Variants in PVT1 observed in about 807,000 individuals in gnomAD.
PVT1 encodes Pvt1 oncogene.
intron 2 of PVT1, among the ~76,000 whole-genome samples, chr8:127,801,143 C>T (rs1814461233): frequency 6.6e-6 from 1 of 152,220 alleles, no homozygotes; most frequent in African/African-American, 2.4e-5. Flanking sequence ...AGAACCCGAG[C>T]AGCATGCAGT....
intron 4 of PVT1, among the ~76,000 whole-genome samples, chr8:128,007,019 G>A (rs1052790272): frequency 6.6e-6 from 1 of 152,316 alleles, no homozygotes; most frequent in South Asian, 2.1e-4. Context: ...TAACAAGGAG[G>A]AAATATCAGG....
In PVT1 at chr8:127,812,232, CAGGA is replaced by C. The variant is rs1222087216; in HGVS notation, n.372+16173_372+16176del. ...GAGGAAAGGCAGGAAGGCAGGAAGG[CAGGA>C]AGGAAGGAAGGCAGGAAGGCAGGAA... On this transcript the variant is annotated intron_variant and non_coding_transcript_variant, in intron 2 of 10. Coordinates refer to ENST00000651587, the Ensembl canonical transcript of PVT1. 6.9e-3 allele frequency among the ~76,000 whole-genome samples: 899 copies of C among 130,016 alleles called. 1 individual carries two copies. The highest frequency in any genetic ancestry group is 0.026 in the Middle Eastern group (6 of 230). The allele number at this position is 130,016 out of a possible 152,430, so 85.3% of individuals were successfully genotyped here. A position where few individuals can be genotyped will look rare whatever the true frequency, so the allele number is the denominator to read the frequency against.
chr8:127,824,720 G>C (rs921098687), intron 2 of PVT1, among the ~76,000 whole-genome samples: 4 of 152,102 alleles, frequency 2.6e-5, no homozygotes, highest in Admixed American at 2.6e-4. Context: ...GTGTTGTAAA[G>C]AGCAAGCTTT....
chr8:127,934,044 A>C (rs1816243372), intron 3 of PVT1, among the ~76,000 whole-genome samples: 2 of 152,176 alleles, frequency 1.3e-5, no homozygotes, highest in African/African-American at 4.8e-5. Context: ...GGAGCCATCA[A>C]CTCAGCTATA....
At chr8:128,100,763 G>C (rs967448986) in intron 6 of PVT1, among the ~76,000 whole-genome samples, 3 of 152,124 alleles carry the variant, frequency 2.0e-5, no homozygotes, top group Non-Finnish European at 4.4e-5. Context: ...AACTTTGGAA[G>C]ACATTTAGGC....
chr8:127,857,029 C>T (rs1815168920), intron 2 of PVT1, among the ~76,000 whole-genome samples: 1 of 151,770 alleles, frequency 6.6e-6, no homozygotes, highest in South Asian at 2.1e-4. Context: ...AGTTCGAGAC[C>T]AGCCTGGCCA....
At chr8:128,074,536 A>G (rs2648887) in intron 5 of PVT1, among the ~76,000 whole-genome samples, 39,161 of 141,596 alleles carry the variant, frequency 0.28, 5,544 homozygotes, top group East Asian at 0.48. Flanking sequence ...AAAAAAAAAA[A>G]GGGGGGGGCT....
intron 5 of PVT1, chr8:128,082,758 G>A (rs953139462): frequency 6.6e-6 from 1 of 152,184 alleles, no homozygotes; most frequent in Admixed American, 6.5e-5. Context: ...CCTAGATCTT[G>A]GACATGATAC....
chr8:127,897,202 AAAG>A (rs1815690200), intron 3 of PVT1, among the ~76,000 whole-genome samples: 1 of 152,200 alleles, frequency 6.6e-6, no homozygotes, highest in Non-Finnish European at 1.5e-5. Context: ...TAGGCACTGC[AAAG>A]AAGAACTCTC....
intron 4 of PVT1, among the ~76,000 whole-genome samples, chr8:128,057,277 A>G (rs1813772851): frequency 6.6e-6 from 1 of 152,198 alleles, no homozygotes; most frequent in Non-Finnish European, 1.5e-5. Context: ...TACCATGTAG[A>G]AAAGGTATTA....
chr8:128,047,772 A>C (rs1041248577), intron 4 of PVT1, among the ~76,000 whole-genome samples: 3 of 152,224 alleles, frequency 2.0e-5, no homozygotes, highest in African/African-American at 7.2e-5. Context: ...TAGTAAAAAA[A>C]AATCAGTATG....
intron 3 of PVT1, chr8:127,932,686 A>C: frequency 2.5e-6 from 1 of 394,490 alleles, no homozygotes; most frequent in Non-Finnish European, 4.5e-6. Flanking sequence ...ATAAAAAATA[A>C]AAAATAAAAA....
At position 127,921,854 on chromosome 8, in the gene PVT1, G is replaced by GTTTTTTTTTTTTTTTTTTTT. The variant is rs71300279; in HGVS notation, n.782+30861_782+30880dup. On this transcript the variant is annotated intron_variant and non_coding_transcript_variant, in intron 3 of 10. Coordinates refer to ENST00000651587, the Ensembl canonical transcript of PVT1. The stretch of plus-strand genomic sequence containing the variant: ...AAAAAAATTATAATTTTTGGTTCAT[G>GTTTTTTTTTTTTTTTTTTTT]TTTTTTTTTTTTTTTTTTTTTTTTG... 3.6e-4 allele frequency among the ~76,000 whole-genome samples: 26 copies of GTTTTTTTTTTTTTTTTTTTT among 71,924 alleles called. 2 individuals carry two copies. The highest frequency in any genetic ancestry group is 2.2e-3 in the South Asian group (3 of 1,376). 47.2% of individuals were successfully genotyped at this position (71,924 alleles called of 152,430 possible).
At chr8:127,965,058 C>T (rs558540844) in intron 3 of PVT1, among the ~76,000 whole-genome samples, 1 of 152,262 alleles carries the variant, frequency 6.6e-6, no homozygotes, top group Non-Finnish European at 1.5e-5. Context: ...TGGGTGAAGA[C>T]AGCATTCAAC....
chr8:128,060,736 C>T (rs373608009), intron 4 of PVT1, among the ~76,000 whole-genome samples: 11 of 152,184 alleles, frequency 7.2e-5, no homozygotes, highest in South Asian at 2.1e-4. Context: ...ATTGTCTTTA[C>T]TCTTTTTGAT....
At chr8:127,955,681 C>T (rs573860373) in intron 3 of PVT1, among the ~76,000 whole-genome samples, 1 of 151,408 alleles carries the variant, frequency 6.6e-6, no homozygotes, top group African/African-American at 2.4e-5. Context: ...CTCCCAAGTT[C>T]GAGTGATTCT....
intron 5 of PVT1, among the ~76,000 whole-genome samples, chr8:128,093,640 A>G (rs2542408): frequency 1.3e-4 from 19 of 151,444 alleles, no homozygotes; most frequent in African/African-American, 4.6e-4. Context: ...GGCTCTGCAC[A>G]TTTTTTTCTT....
At chr8:127,970,524 C>A (rs1020427364) in intron 3 of PVT1, among the ~76,000 whole-genome samples, 5 of 152,090 alleles carry the variant, frequency 3.3e-5, no homozygotes, top group Admixed American at 2.0e-4. Flanking sequence ...TGGTCTTGAT[C>A]TTCTGGCCTC....
intron 2 of PVT1, among the ~76,000 whole-genome samples, chr8:127,824,004 G>A (rs1814760714): frequency 6.6e-6 from 1 of 152,128 alleles, no homozygotes; most frequent in Non-Finnish European, 1.5e-5. Context: ...ACTAACCTGG[G>A]CAACAAAGCG....
Sources: gnomAD v4.1 joint callset for allele counts (sites outside exome capture counted in the v4.1 genomes callset) on GRCh38, gnomAD v4.1.1 for gene constraint, MANE v1.5 for transcripts, NCBI Gene and HGNC (gene_info 2026-07-23, HGNC 2026-07-21) for gene names.